Variants in PYGM observed in about 807,000 individuals in gnomAD.
PYGM encodes glycogen phosphorylase, muscle form.
PYGM carries 81 observed loss-of-function variants against 99.3 expected under a neutral mutation model. The observed-to-expected ratio is 0.82, with a 90% CI of 0.68 to 0.98. PYGM has a LOEUF of 0.98. Among genes scored for constraint, PYGM ranks in the 50% least tolerant of loss-of-function variants. PYGM has a pLI of 0.00. For synonymous variants in PYGM, 436 were observed against 451.5 expected, an observed-to-expected ratio of 0.97 and a Z score of 0.44; for missense variants, 1,030 against 1,158.1, an observed-to-expected ratio of 0.89 and a Z score of 1.61.
Position 64,754,119 on chromosome 11 carries a change from C to G in PYGM, c.1093-94G>C. On this transcript the variant is annotated intron_variant, in intron 9 of 19. Transcript: ENST00000164139. The surrounding 1 kb of genome is among the most constrained non-coding windows in gnomAD (Gnocchi z 5.5). ...CCAGTGGGCCCCCCCACTGCAGTGC[C>G]AGGTTCCAGGACGGTCCCTCTGGCC... is the stretch of plus-strand genomic sequence containing the variant. The G allele has an allele frequency of 6.2e-7, 1 of 1,600,550 alleles. No individual in the cohort carries two copies. Among genetic ancestry groups the G allele is most frequent in the Non-Finnish European group, 8.6e-7 (1 of 1,169,334 alleles).
At position 64,754,473 on chromosome 11, in the gene PYGM, G is replaced by T; in HGVS notation, c.1000-128C>A. On this transcript the variant is annotated intron_variant, in intron 8 of 19. Transcript: ENST00000164139. This position sits in a 1 kb window ranked among gnomAD's most constrained non-coding sequence, Gnocchi z 5.5. ...GTGACTGGGCTGTGGGCAGAGGCAG[G>T]CCGGTGCTCATGGGGGTGGGAGGAA... The T allele has an allele frequency of 1.0e-6, 1 of 970,482 alleles. No individual in the cohort carries two copies. The highest frequency in any genetic ancestry group is 1.6e-6 in the Non-Finnish European group (1 of 645,152). The allele number at this position is 970,482 out of a possible 1,614,324, so 60.1% of individuals were successfully genotyped here. A position where few individuals can be genotyped will look rare whatever the true frequency, so the allele number is the denominator to read the frequency against.
At chr11:64,753,385 G>A (rs970923142) in intron 11 of PYGM, 134 bp downstream of exon 11, 2 of 1,341,544 alleles carry the variant, frequency 1.5e-6, no homozygotes, top group African/African-American at 2.9e-5. Context: ...GTGCTTGTAA[G>A]AATGACGCCA....
rs1212476417 is a variant in PYGM at position 64,750,536 on chromosome 11, C to T, written c.2017G>A (p.Glu673Lys). 1 of 1,614,122 alleles carries T rather than the reference C, an allele frequency of 6.2e-7. No homozygotes were observed. Among genetic ancestry groups the T allele is most frequent in the Non-Finnish European group, 8.5e-7 (1 of 1,180,056 alleles). Residue 673 changes from glutamate (E) to lysine (K), a missense_variant, in exon 17 of 20, where the codon GAA becomes AAA. Glu to Lys is a moderately conservative substitution (Grantham distance 56). Transcript: ENST00000164139. The stretch of plus-strand genomic sequence containing the variant: ...TTCATGTTGCCGGTGCCTGAGGCTT[C>T]AGTGCCCGCAGTGGAGATCTGCTCA... ...LSEQISTAGTEASGTGNMKFM... is the reference protein window; with the variant it reads ...LSEQISTAGTKASGTGNMKFM...
Position 64,754,316 on chromosome 11 carries a change from G to A in PYGM, c.1029C>T (p.Pro343=), listed in dbSNP as rs529443755. The A allele has an allele frequency of 2.5e-6, 4 of 1,613,586 alleles. No homozygotes were observed. Among genetic ancestry groups the A allele is most frequent in the South Asian group, 2.2e-5 (2 of 91,044 alleles). The stretch of plus-strand genomic sequence containing the variant: ...TCATCAGCTCGGGGATGGCCAGGGA[G>A]GGGTGGGTGTCATTGAGCTGGATGG... ...KVAIQLNDTH[P]SLAIPELMRI... is the part of the protein sequence containing the mutation. Residue 343 remains proline, a synonymous_variant, in exon 9 of 20, where the codon CCC becomes CCT. Coordinates refer to ENST00000164139, the MANE Select transcript of PYGM (RefSeq NM_005609.4). This position sits in a 1 kb window ranked among gnomAD's most constrained non-coding sequence, Gnocchi z 5.5.
chr11:64,751,093 T>C (rs1472937016), intron 16 of PYGM: 7 of 538,438 alleles, frequency 1.3e-5, no homozygotes, highest in South Asian at 9.8e-5. Context: ...GGTTTCACCA[T>C]GTTGGCCAGG....
At chr11:64,750,312 C>T (rs1380136073) in intron 17 of PYGM, 64 bp downstream of exon 17, 7 of 1,583,614 alleles carry the variant, frequency 4.4e-6, no homozygotes, top group Non-Finnish European at 6.1e-6. Context: ...GCCGCTTGCT[C>T]CCAGCACCAC....
chr11:64,753,674 C>T lies in PYGM; in HGVS notation c.1248G>A (p.Ala416=), dbSNP rs1439165952. The change falls in exon 11 of 20, where the codon GCG becomes GCA. Residue 416 remains alanine (A), a synonymous_variant. Transcript: ENST00000164139. ...GGTCTACGTCCCCTGGGAATGCGGC[C>T]GCCACCCGCTGTGCCCAGAGAGCCC... ...EINQRFLNRV[A]AAFPGDVDRL... 7 of 1,606,726 alleles carry T rather than the reference C, an allele frequency of 4.4e-6. No individual in the cohort carries two copies. The highest frequency in any genetic ancestry group is 2.2e-5 in the East Asian group (1 of 44,732).
At chr11:64,753,774 C>T in intron 10 of PYGM, 92 bp from the exon 11 acceptor site, 2 of 1,545,316 alleles carry the variant, frequency 1.3e-6, no homozygotes, top group East Asian at 2.4e-5. Context: ...CCCAGTGCCC[C>T]CACTGCCCCA....
In PYGM at chr11:64,755,980, C is replaced by T. The variant is rs929152679; in HGVS notation, c.661-422G>A. ...CTGAAGGGGTCACAGAGGTCAAGTC[C>T]ATCCAAAGGTCTCATCTCTGGTTGA... On this transcript the variant is annotated intron_variant, in intron 5 of 19. Transcript: ENST00000164139. This position sits in a 1 kb window ranked among gnomAD's most constrained non-coding sequence, Gnocchi z 4.1. 5.3e-5 allele frequency among the ~76,000 whole-genome samples: 8 copies of T among 152,222 alleles called. No homozygotes were observed. Among genetic ancestry groups the T allele is most frequent in the Non-Finnish European group, 8.8e-5 (6 of 68,030 alleles).
At chr11:64,753,751 C>T (rs2058373900) in intron 10 of PYGM, 69 bp from the exon 11 acceptor site, 2 of 1,546,246 alleles carry the variant, frequency 1.3e-6, no homozygotes, top group East Asian at 2.4e-5. Context: ...AGCCCCACAC[C>T]CCCAGAGCTC....
In PYGM at chr11:64,754,795, G is replaced by A. The variant is rs114363966; in HGVS notation, c.897C>T (p.Phe299=). The A allele has an allele frequency of 1.4e-5, 22 of 1,614,016 alleles. No individual in the cohort carries two copies. The highest frequency in any genetic ancestry group is 1.1e-4 in the African/African-American group (8 of 75,034). The stretch of plus-strand genomic sequence containing the variant: ...TGTCCTGGAGGGTGGCAGCCACCAC[G>A]AAATACTCCTGCTTCAGCCGCAGCT... ...GKELRLKQEY[F]VVAATLQDII... The change falls in exon 8 of 20, where the codon TTC becomes TTT. Residue 299 remains phenylalanine, a synonymous_variant. Transcript: ENST00000164139. The surrounding 1 kb of genome is among the most constrained non-coding windows in gnomAD (Gnocchi z 5.5).
rs761650076 is a variant in PYGM at position 64,746,515 on chromosome 11, G to A, written c.*144C>T. The A allele has an allele frequency of 3.4e-6, 4 of 1,171,484 alleles. No individual in the cohort carries two copies. The African/African-American group carries it at 4.5e-5, about 13-fold the overall frequency. 72.6% of individuals were successfully genotyped at this position (1,171,484 alleles called of 1,614,324 possible). On this transcript the variant is annotated 3_prime_UTR_variant, in exon 20 of 20. Coordinates refer to ENST00000164139, the MANE Select transcript of PYGM (RefSeq NM_005609.4). ...CGTGTCCTTAGTCACGCTGGACACTGGGACATTGAGAGTGGGGAAAATGAG... is the reference window on the plus strand; with the variant it reads ...CGTGTCCTTAGTCACGCTGGACACTAGGACATTGAGAGTGGGGAAAATGAG...
At chr11:64,750,813 G>T (rs952544742) in intron 16 of PYGM, among the ~76,000 whole-genome samples, 1 of 152,206 alleles carries the variant, frequency 6.6e-6, no homozygotes, top group Non-Finnish European at 1.5e-5. Flanking sequence ...CTCTGTTGCA[G>T]ATTTGAAGGT....
In PYGM at chr11:64,757,826, C is replaced by A; in HGVS notation, c.613G>T (p.Gly205Cys). ...CCCTGGCTGGTGTGCTCCACATGGC[C>A]GTAGAAGTGCACAGGTAGCGTGAAC... ...PEFTLPVHFY[G>C]HVEHTSQGAK... Residue 205 changes from glycine to cysteine, a missense_variant, in exon 5 of 20, where the codon GGC becomes TGC. Physicochemically the swap from Gly to Cys is radical, Grantham distance 159. Transcript: ENST00000164139. 2 of 1,614,158 alleles carry A rather than the reference C, an allele frequency of 1.2e-6. No individual in the cohort carries two copies. Among genetic ancestry groups the A allele is most frequent in the Non-Finnish European group, 1.7e-6 (2 of 1,180,038 alleles).
intron 4 of PYGM, 80 bp from the exon 5 acceptor site, chr11:64,757,990 G>A (rs1023449191): frequency 1.9e-6 from 3 of 1,589,722 alleles, no homozygotes; most frequent in Non-Finnish European, 1.7e-6. Flanking sequence ...CAGGGTGGGG[G>A]CCGTGGGCCG....
chr11:64,755,251 C>G lies in PYGM; in HGVS notation c.855+22G>C. The G allele has an allele frequency of 6.2e-7, 1 of 1,611,606 alleles. No homozygotes were observed. The highest frequency in any genetic ancestry group is 8.5e-7 in the Non-Finnish European group (1 of 1,177,862). On this transcript the variant is annotated intron_variant, in intron 7 of 19. Transcript: ENST00000164139. This position sits in a 1 kb window ranked among gnomAD's most constrained non-coding sequence, Gnocchi z 4.1. The stretch of plus-strand genomic sequence containing the variant: ...CTGCCAAGGACTCAGGCTTCCAGCC[C>G]CCAGCCCAGGGGGTGACGCACATTA...
At chr11:64,759,518 C>T (rs1222774094) in intron 1 of PYGM, 138 bp downstream of exon 1, 2 of 1,402,688 alleles carry the variant, frequency 1.4e-6, no homozygotes, top group Non-Finnish European at 1.9e-6. Context: ...ATTGTCCCAG[C>T]ACCCCTTGTG....
rs758890963 is a variant in PYGM at position 64,755,474 on chromosome 11, C to A, written c.745G>T (p.Ala249Ser). The A allele has an allele frequency of 1.2e-6, 2 of 1,614,132 alleles. No individual in the cohort carries two copies. Among genetic ancestry groups the A allele is most frequent in the Non-Finnish European group, 1.7e-6 (2 of 1,180,000 alleles). Residue 249 changes from alanine (A) to serine (S), a missense_variant, in exon 6 of 20, where the codon GCT becomes TCT. Coordinates refer to ENST00000164139, the MANE Select transcript of PYGM (RefSeq NM_005609.4). This position sits in a 1 kb window ranked among gnomAD's most constrained non-coding sequence, Gnocchi z 4.1. ...TCCTTGAGGTTGAAGTCATTGGGAG[C>A]CTTGGCAGACCAGAGGCGCATGGTG... Reference protein sequence around the residue: ...VNTMRLWSAKAPNDFNLKDFN... With the variant: ...VNTMRLWSAKSPNDFNLKDFN...
chr11:64,749,302 G>A (rs1173410072), intron 17 of PYGM, among the ~76,000 whole-genome samples: 2 of 151,868 alleles, frequency 1.3e-5, no homozygotes, highest in Admixed American at 6.6e-5. Flanking sequence ...AGCCAAGATC[G>A]TGCCATTGCA....
Sources: gnomAD v4.1 joint callset for allele counts (sites outside exome capture counted in the v4.1 genomes callset) on GRCh38, gnomAD v4.1.1 for gene constraint, Gnocchi (gnomAD v3.1) non-coding constraint, MANE v1.5 for transcripts, NCBI Gene and HGNC (gene_info 2026-07-23, HGNC 2026-07-21) for gene names.